PTPRM: variants seen among roughly 807,000 people sequenced by gnomAD.
The protein encoded by PTPRM is receptor-type tyrosine-protein phosphatase mu.
In PTPRM, 47 loss-of-function variants were observed where a neutral mutation model predicts 186.7. The ratio of observed to expected loss-of-function variants is 0.25; its 90% CI spans 0.20 to 0.32. The LOEUF (loss-of-function observed/expected upper bound fraction) is 0.32. Ranked by LOEUF, PTPRM falls within the 10% of genes least tolerant of loss-of-function variation. The probability of loss-of-function intolerance (pLI) is 1.00; values close to 1 mark genes in which losing one functional copy is unlikely to be tolerated. For synonymous variants in PTPRM, 668 were observed against 674.9 expected, an observed-to-expected ratio of 0.99 and a Z score of 0.16; for missense variants, 1,494 against 1,865.0, an observed-to-expected ratio of 0.80 and a Z score of 3.66.
At chr18:8,028,978 A>G (rs1175768738) in intron 7 of PTPRM, among the ~76,000 whole-genome samples, 1 of 152,232 alleles carries the variant, frequency 6.6e-6, no homozygotes, top group East Asian at 1.9e-4. Context: ...ATCCCTCAGG[A>G]AATGAATGTG....
chr18:7,606,180 A>G (rs1312146212), intron 1 of PTPRM, among the ~76,000 whole-genome samples: 2 of 150,544 alleles, frequency 1.3e-5, no homozygotes, highest in Non-Finnish European at 3.0e-5. Flanking sequence ...TTGGAGGAAG[A>G]CTCCTCTCGT....
At chr18:7,987,980 C>T (rs2083052856) in intron 7 of PTPRM, among the ~76,000 whole-genome samples, 1 of 141,410 alleles carries the variant, frequency 7.1e-6, no homozygotes, top group Non-Finnish European at 1.5e-5. Context: ...AGTTCAGGAC[C>T]AGCCTGGACA....
At chr18:7,879,764 A>G (rs1316394059) in intron 2 of PTPRM, among the ~76,000 whole-genome samples, 1 of 152,160 alleles carries the variant, frequency 6.6e-6, no homozygotes, top group Non-Finnish European at 1.5e-5. Flanking sequence ...CTCAAGTAGA[A>G]CAGAGTAACG....
chr18:7,984,908 TATA>T (rs1196932854), intron 7 of PTPRM, among the ~76,000 whole-genome samples: 68 of 119,972 alleles, frequency 5.7e-4, no homozygotes, highest in Non-Finnish European at 9.7e-4. Flanking sequence ...AATATATACA[TATA>T]ATTATATATA....
intron 2 of PTPRM, among the ~76,000 whole-genome samples, chr18:7,799,372 T>C (rs1239101936): frequency 6.6e-6 from 1 of 152,190 alleles, no homozygotes; most frequent in African/African-American, 2.4e-5. Context: ...TTCTAATATA[T>C]GAATTTTGGA....
chr18:8,379,613 G>C (rs1409120382), intron 28 of PTPRM, among the ~76,000 whole-genome samples: 1 of 152,160 alleles, frequency 6.6e-6, no homozygotes, highest in Non-Finnish European at 1.5e-5. Context: ...CTGCTGGCTG[G>C]GGAACAGGGG....
intron 2 of PTPRM, among the ~76,000 whole-genome samples, chr18:7,863,844 C>T (rs527338485): frequency 2.6e-4 from 39 of 152,326 alleles, no homozygotes; most frequent in African/African-American, 9.1e-4. Flanking sequence ...TATTTCTCCA[C>T]ATCCTCTCCA....
intron 2 of PTPRM, among the ~76,000 whole-genome samples, chr18:7,785,012 G>A (rs971380977): frequency 3.3e-5 from 5 of 152,154 alleles, no homozygotes; most frequent in Non-Finnish European, 5.9e-5. Flanking sequence ...AGGTAGAAAC[G>A]CCAGACAGAA....
chr18:7,814,491 G>A (rs1421019383), intron 2 of PTPRM: 2 of 152,148 alleles, frequency 1.3e-5, no homozygotes, highest in Non-Finnish European at 2.9e-5. Context: ...ATGCAGTTTC[G>A]GTGTGGGCAC....
chr18:7,799,549 A>G (rs2043843989), intron 2 of PTPRM, among the ~76,000 whole-genome samples: 1 of 152,094 alleles, frequency 6.6e-6, no homozygotes, highest in South Asian at 2.1e-4. Context: ...TGATATCCCC[A>G]TTTATTTAGA....
intron 7 of PTPRM, among the ~76,000 whole-genome samples, chr18:7,994,131 T>G (rs919898473): frequency 6.6e-6 from 1 of 151,894 alleles, no homozygotes; most frequent in Admixed American, 6.6e-5. Flanking sequence ...AAAAAATAAT[T>G]TATGCAAAAA....
intron 21 of PTPRM, among the ~76,000 whole-genome samples, chr18:8,318,438 A>G (rs1021446908): frequency 1.3e-5 from 2 of 151,754 alleles, no homozygotes; most frequent in African/African-American, 4.8e-5. Context: ...GTGGGACTAC[A>G]GGTGCATGCC....
intron 14 of PTPRM, among the ~76,000 whole-genome samples, chr18:8,172,440 AGCT>A (rs141929322): frequency 0.016 from 2,460 of 152,250 alleles, 24 homozygotes; most frequent in Non-Finnish European, 0.024. Flanking sequence ...CAAGACCCAG[AGCT>A]GTGTTCCTCA....
chr18:7,706,601 CAA>C (rs766639399), intron 1 of PTPRM, among the ~76,000 whole-genome samples: 564 of 16,076 alleles, frequency 0.035, 2 homozygotes, highest in African/African-American at 0.1. Context: ...GACCTTGTCT[CAA>C]AAAAAAAAAA....
intron 2 of PTPRM, among the ~76,000 whole-genome samples, chr18:7,854,109 C>T (rs187295458): frequency 2.3e-4 from 35 of 152,120 alleles, no homozygotes; most frequent in African/African-American, 8.2e-4. Context: ...TTTTTATGTA[C>T]CATAAGAGAA....
intron 13 of PTPRM, among the ~76,000 whole-genome samples, chr18:8,134,453 C>T (rs1216064768): frequency 6.6e-6 from 1 of 152,148 alleles, no homozygotes; most frequent in African/African-American, 2.4e-5. Context: ...AGATAAATGA[C>T]CCTAGTTCCT....
chr18:7,868,385 G>A (rs2047818519), intron 2 of PTPRM, among the ~76,000 whole-genome samples: 1 of 152,170 alleles, frequency 6.6e-6, no homozygotes, highest in African/African-American at 2.4e-5. Flanking sequence ...TTTTGGTGTG[G>A]ATGTCCTTTT....
At position 8,085,885 on chromosome 18, in the gene PTPRM, C is replaced by A. The variant is rs547706492; in HGVS notation, c.1753+13C>A. The A allele has an allele frequency of 3.1e-6, 5 of 1,605,296 alleles. No homozygotes were observed. The African/African-American group carries it at 4.0e-5, about 13-fold the overall frequency. ...ACCAAAATATCAGGTACTCTACATT[C>A]GTGAGTTGTGTCTTTTATCAGAAGT... On this transcript the variant is annotated intron_variant, in intron 10 of 32. Coordinates refer to ENST00000580170, the MANE Select transcript of PTPRM (RefSeq NM_001105244.2).
intron 19 of PTPRM, among the ~76,000 whole-genome samples, chr18:8,279,037 C>T (rs1311830060): frequency 1.3e-5 from 2 of 151,928 alleles, no homozygotes; most frequent in Non-Finnish European, 2.9e-5. Context: ...TGTAACAAAG[C>T]TGCACGTTGC....
Sources: gnomAD v4.1 joint callset for allele counts (sites outside exome capture counted in the v4.1 genomes callset) on GRCh38, gnomAD v4.1.1 for gene constraint, MANE v1.5 for transcripts, NCBI Gene and HGNC (gene_info 2026-07-23, HGNC 2026-07-21) for gene names.